AGFG2: variants seen among roughly 807,000 people sequenced by gnomAD.
AGFG2 encodes the protein ArfGAP with FG repeats 2, also known as arf-GAP domain and FG repeat-containing protein 2.
AGFG2 carries 31 observed loss-of-function variants against 48.0 expected under a neutral mutation model. That is an observed-to-expected ratio of 0.65 (90% CI 0.49 to 0.87). AGFG2 has a LOEUF of 0.87. Among genes scored for constraint, AGFG2 ranks in the 40% least tolerant of loss-of-function variants. The pLI is 0.00. For missense variants in AGFG2, 599 were observed against 632.6 expected, an observed-to-expected ratio of 0.95 and a Z score of 0.57; for synonymous variants, 229 against 260.8, an observed-to-expected ratio of 0.88 and a Z score of 1.18.
intron 3 of AGFG2, among the ~76,000 whole-genome samples, chr7:100,552,013 G>A (rs987154327): frequency 1.3e-5 from 2 of 151,786 alleles, no homozygotes; most frequent in Admixed American, 1.3e-4. Flanking sequence ...GGAGACCGAG[G>A]CGGGTGGATC....
At chr7:100,550,533 G>C in intron 3 of AGFG2, 22 bp downstream of exon 3, 1 of 1,566,004 alleles carries the variant, frequency 6.4e-7, no homozygotes, top group Non-Finnish European at 8.8e-7. Flanking sequence ...GAAAGAGGTT[G>C]CTATGGAAAC....
Position 100,560,848 on chromosome 7 carries a change from G to T in AGFG2, c.878-1411G>T, listed in dbSNP as rs192960419. Among the ~76,000 whole-genome samples the T allele has an allele frequency of 8.0e-3, 942 of 118,030 alleles. 4 individuals are homozygous for T. Among genetic ancestry groups the T allele is most frequent in the Admixed American group, 0.013 (111 of 8,634 alleles). 77.4% of individuals were successfully genotyped at this position (118,030 alleles called of 152,430 possible). A position where few individuals can be genotyped will look rare whatever the true frequency, so the allele number is the denominator to read the frequency against. On this transcript the variant is annotated intron_variant, in intron 6 of 11. Coordinates refer to ENST00000300176, the MANE Select transcript of AGFG2 (RefSeq NM_006076.5). Reference sequence around the variant, plus strand: ...TTTTTTTGAGACGGAGTCTCACTCTGTCGCCCAGGCTGGAGTGCAGTGATA... The same window carrying T: ...TTTTTTTGAGACGGAGTCTCACTCTTTCGCCCAGGCTGGAGTGCAGTGATA...
chr7:100,565,693 T>A lies in AGFG2; in HGVS notation c.*702T>A, dbSNP rs1473852370. On this transcript the variant is annotated 3_prime_UTR_variant, in exon 12 of 12. Coordinates refer to ENST00000300176, the MANE Select transcript of AGFG2 (RefSeq NM_006076.5). ...ATAGATCTATCTATATGCACATACA[T>A]ACATATATACACACACCCAGCCGAT... is the stretch of plus-strand genomic sequence containing the variant. 1 of 152,586 alleles carries A rather than the reference T, an allele frequency of 6.6e-6. No individual in the cohort carries two copies. Among genetic ancestry groups the A allele is most frequent in the African/African-American group, 2.4e-5 (1 of 41,420 alleles). 9.5% of individuals were successfully genotyped at this position (152,586 alleles called of 1,614,324 possible). A position where few individuals can be genotyped will look rare whatever the true frequency, so the allele number is the denominator to read the frequency against.
Position 100,562,882 on chromosome 7 carries a change from A to G in AGFG2, c.1107A>G (p.Thr369=), listed in dbSNP as rs200071448. Residue 369 remains threonine, a synonymous_variant, in exon 9 of 12, where the codon ACA becomes ACG. Transcript: ENST00000300176. The surrounding 1 kb of genome is among the most constrained non-coding windows in gnomAD (Gnocchi z 5.4). ...LAFGAFTNPF[T]APAAQSPLPS... ...GGGCAGCCTTCACTAACCCTTTCAC[A>G]GCTCCCGCCGCCCAGTCCCCGCTGC... 925 of 1,613,944 alleles carry G rather than the reference A, an allele frequency of 5.7e-4. 1 individual carries two copies. The highest frequency in any genetic ancestry group is 1.2e-4 in the Non-Finnish European group (146 of 1,179,934).
At chr7:100,546,198 T>C (rs1800508383) in intron 1 of AGFG2, among the ~76,000 whole-genome samples, 2 of 125,444 alleles carry the variant, frequency 1.6e-5, no homozygotes, top group Admixed American at 1.8e-4. Context: ...AATAAACTCT[T>C]TTAGTCCAGG....
intron 1 of AGFG2, among the ~76,000 whole-genome samples, chr7:100,543,205 CATGTG>C (rs1673694134): frequency 6.6e-6 from 1 of 152,148 alleles, no homozygotes. Flanking sequence ...GCTGGGATTA[CATGTG>C]CACACCACCA....
chr7:100,559,359 G>A (rs998752267), intron 6 of AGFG2, among the ~76,000 whole-genome samples: 6 of 152,112 alleles, frequency 3.9e-5, no homozygotes, highest in Non-Finnish European at 7.4e-5. Context: ...TTAGCTGTTG[G>A]GTGTGAACTG....
At chr7:100,563,987 C>T (rs767188966) in intron 10 of AGFG2, 25 bp downstream of exon 10, 7 of 1,602,518 alleles carry the variant, frequency 4.4e-6, no homozygotes, top group Non-Finnish European at 4.2e-6. Context: ...TGGACAAACC[C>T]TTTCACCCCA....
intron 1 of AGFG2, among the ~76,000 whole-genome samples, chr7:100,543,758 C>T (rs1239752271): frequency 6.6e-6 from 1 of 152,120 alleles, no homozygotes; most frequent in Non-Finnish European, 1.5e-5. Context: ...TAGCAAAAAC[C>T]TACAGCGTTG....
In AGFG2 at chr7:100,565,174, C is replaced by G; in HGVS notation, c.*183C>G. ...AGATTCCACAAAGCCTCTCTCCCCT[C>G]CCTCGTCCCACCCCCACCCAGGCAG... On this transcript the variant is annotated 3_prime_UTR_variant, in exon 12 of 12. Coordinates refer to ENST00000300176, the MANE Select transcript of AGFG2 (RefSeq NM_006076.5). The G allele has an allele frequency of 1.5e-6, 1 of 678,030 alleles. No individual in the cohort carries two copies. The highest frequency in any genetic ancestry group is 2.6e-6 in the Non-Finnish European group (1 of 391,408). 42.0% of individuals were successfully genotyped at this position (678,030 alleles called of 1,614,324 possible).
intron 6 of AGFG2, chr7:100,556,699 C>T (rs1800765949): frequency 8.2e-7 from 1 of 1,218,830 alleles, no homozygotes; most frequent in African/African-American, 1.6e-5. Flanking sequence ...TGGAAGGAAC[C>T]CTTAAAATTT....
intron 1 of AGFG2, among the ~76,000 whole-genome samples, chr7:100,541,737 T>C (rs1217121180): frequency 6.8e-6 from 1 of 146,844 alleles, no homozygotes; most frequent in Admixed American, 6.9e-5. Flanking sequence ...CACTCTCCAG[T>C]CTGGGTCGCA....
chr7:100,553,635 C>T, intron 4 of AGFG2, 135 bp downstream of exon 4: 1 of 1,068,414 alleles, frequency 9.4e-7, no homozygotes, highest in Non-Finnish European at 1.3e-6. Flanking sequence ...CTGCTGTTAA[C>T]CTGTATCTTG....
At chr7:100,564,849 G>C (rs1800969805) in intron 11 of AGFG2, 83 bp from the exon 12 acceptor site, 3 of 1,496,048 alleles carry the variant, frequency 2.0e-6, no homozygotes, top group Non-Finnish European at 2.8e-6. Flanking sequence ...CGATTTTTCA[G>C]GAGAAAGGAC....
intron 3 of AGFG2, among the ~76,000 whole-genome samples, chr7:100,551,002 C>T (rs1459199621): frequency 1.6e-5 from 2 of 126,840 alleles, no homozygotes; most frequent in African/African-American, 6.1e-5. Flanking sequence ...ACTGGGACTA[C>T]AGGTGTGTGC....
At position 100,566,486 on chromosome 7, in the gene AGFG2, C is replaced by T. The variant is rs193090981; in HGVS notation, c.*1495C>T. 6.6e-6 allele frequency: 1 copy of T among 152,430 alleles called. No homozygotes were observed. The highest frequency in any genetic ancestry group is 6.5e-5 in the Admixed American group (1 of 15,308). The allele number at this position is 152,430 out of a possible 1,614,324, so 9.4% of individuals were successfully genotyped here. The stretch of plus-strand genomic sequence containing the variant: ...GTTTGGCCCAAGGCCAGGTGAGGCC[C>T]CTCCCTTTCCACCATTGCCCTGGCC... On this transcript the variant is annotated 3_prime_UTR_variant, in exon 12 of 12. Transcript: ENST00000300176.
At chr7:100,558,583 C>T (rs1458866192) in intron 6 of AGFG2, among the ~76,000 whole-genome samples, 1 of 150,860 alleles carries the variant, frequency 6.6e-6, no homozygotes, top group East Asian at 1.9e-4. Flanking sequence ...ACTCTGTCAC[C>T]CAGGCTGGGG....
At chr7:100,556,419 C>A in intron 6 of AGFG2, 1 of 331,484 alleles carries the variant, frequency 3.0e-6, no homozygotes, top group Non-Finnish European at 5.8e-6. Context: ...CTAAGCTCTA[C>A]ACATTGAGTC....
At chr7:100,552,541 C>T (rs1279778772) in intron 3 of AGFG2, among the ~76,000 whole-genome samples, 1 of 152,190 alleles carries the variant, frequency 6.6e-6, no homozygotes, top group Non-Finnish European at 1.5e-5. Context: ...CTTTCCTCTC[C>T]CCTGGTATCA....
Sources: allele counts gnomAD v4.1 joint callset (sites outside exome capture counted in the v4.1 genomes callset), GRCh38; gene constraint gnomAD v4.1.1; non-coding constraint Gnocchi (gnomAD v3.1); transcripts MANE v1.5; gene names NCBI Gene and HGNC (gene_info 2026-07-23, HGNC 2026-07-21).